TTC38: variants seen among roughly 807,000 people sequenced by gnomAD.
The protein encoded by TTC38 is tetratricopeptide repeat protein 38.
In TTC38, 64 loss-of-function variants were observed where a neutral mutation model predicts 64.2. The ratio of observed to expected loss-of-function variants is 1.00; its 90% CI spans 0.81 to 1.23. TTC38 has a LOEUF of 1.23. TTC38 is among the 50% of genes most tolerant of loss of function. The pLI, the probability that TTC38 is intolerant of heterozygous loss-of-function variation, is 0.00. For synonymous variants in TTC38, 254 were observed against 249.3 expected, an observed-to-expected ratio of 1.02 and a Z score of -0.18; for missense variants, 573 against 615.5, an observed-to-expected ratio of 0.93 and a Z score of 0.73.
intron 2 of TTC38, chr22:46,269,277 C>T: frequency 3.6e-6 from 1 of 276,796 alleles, no homozygotes; most frequent in Non-Finnish European, 7.8e-6. Flanking sequence ...GGATCCTGTC[C>T]TGGGATGAAT....
rs1361110903 is a variant in TTC38, at chr22:46,289,884, A to T, written c.1301A>T (p.His434Leu). 1.2e-6 allele frequency: 2 copies of T among 1,614,142 alleles called. No individual in the cohort carries two copies. The highest frequency in any genetic ancestry group is 1.3e-5 in the African/African-American group (1 of 75,052). ...GCCTTAAACTGCACCTCCAGCGTCC[A>T]TAAGAACGTAGCCCGGTGAGCTCCT... ...HAALNCTSSV[H>L]KNVARSLLME... is the part of the protein sequence containing the mutation. Residue 434 changes from histidine (H) to leucine (L), a missense_variant, in exon 13 of 14, where the codon CAT becomes CTT. Physicochemically the swap from His to Leu is moderately conservative, Grantham distance 99. Transcript: ENST00000381031.
At position 46,272,466 on chromosome 22, in the gene TTC38, C is replaced by T. The variant is rs954819948; in HGVS notation, c.193+50C>T. 3 of 1,466,382 alleles carry T rather than the reference C, an allele frequency of 2.0e-6. No homozygotes were observed. The highest frequency in any genetic ancestry group is 2.9e-6 in the Non-Finnish European group (3 of 1,048,392). The allele number at this position is 1,466,382 out of a possible 1,614,324, so 90.8% of individuals were successfully genotyped here. ...AGGAGCCCCGCTTCACACATCCAGC[C>T]CCTCTCTTTCCTTTACCACAGGGAC... is the stretch of plus-strand genomic sequence containing the variant. On this transcript the variant is annotated intron_variant, in intron 3 of 13. Coordinates refer to ENST00000381031, the MANE Select transcript of TTC38 (RefSeq NM_017931.4). This position sits in a 1 kb window ranked among gnomAD's most constrained non-coding sequence, Gnocchi z 6.4.
In TTC38 at chr22:46,276,947, G is replaced by A. The variant is rs2077494659; in HGVS notation, c.539+1526G>A. Among the ~76,000 whole-genome samples, 1 of 149,526 alleles carries A rather than the reference G, an allele frequency of 6.7e-6. No individual in the cohort carries two copies. Among genetic ancestry groups the A allele is most frequent in the Non-Finnish European group, 1.5e-5 (1 of 67,708 alleles). On this transcript the variant is annotated intron_variant, in intron 5 of 13. Coordinates refer to ENST00000381031, the MANE Select transcript of TTC38 (RefSeq NM_017931.4). The surrounding 1 kb of genome is among the most constrained non-coding windows in gnomAD (Gnocchi z 4.7). ...CCAAATTGACAGATAAAAATTAACCGTCATGAAACCTAATAGTACCTGACA... is the reference window on the plus strand; with the variant it reads ...CCAAATTGACAGATAAAAATTAACCATCATGAAACCTAATAGTACCTGACA...
chr22:46,288,467 C>G lies in TTC38; in HGVS notation c.961C>G (p.Arg321Gly). ...GTGGCAGGATGTCCTGCCTGTGGCC[C>G]GGAAGCACAGCCGAGACCACATCCT... ...QRWQDVLPVA[R>G]KHSRDHILLF... The change falls in exon 11 of 14, where the codon CGG (arginine) becomes GGG (glycine). Residue 321 changes from arginine (R) to glycine (G), a missense_variant. By Grantham distance (125) the Arg-to-Gly change is moderately radical. Around this residue, in one of 3 missense-constraint regions of TTC38, gnomAD observed 371 missense variants for 381.8 expected, o/e 0.97. Transcript: ENST00000381031. The G allele has an allele frequency of 1.2e-6, 2 of 1,613,968 alleles. No individual in the cohort carries two copies. Among genetic ancestry groups the G allele is most frequent in the Non-Finnish European group, 1.7e-6 (2 of 1,179,904 alleles).
At chr22:46,285,750 C>T (rs2077567079) in intron 9 of TTC38, among the ~76,000 whole-genome samples, 1 of 152,028 alleles carries the variant, frequency 6.6e-6, no homozygotes, top group South Asian at 2.1e-4. Context: ...TGGTGGCTCA[C>T]ACCTGTAATC....
chr22:46,288,684 C>T (rs2077589625), intron 11 of TTC38, 96 bp downstream of exon 11: 8 of 1,267,142 alleles, frequency 6.3e-6, no homozygotes, highest in Admixed American at 4.2e-5. Flanking sequence ...GTGCCTGCCC[C>T]GCCTGTGAGT....
chr22:46,274,156 C>A lies in TTC38; in HGVS notation c.365+87C>A. 8.3e-6 allele frequency: 4 copies of A among 482,194 alleles called. No homozygotes were observed. Among genetic ancestry groups the A allele is most frequent in the East Asian group, 4.5e-5 (1 of 22,202 alleles). 29.9% of individuals were successfully genotyped at this position (482,194 alleles called of 1,614,324 possible). ...TATCCCTTTCCTGATGCCCTTGGGACGGGGGCGGGGTGGGAGAATGCTTCT... is the reference window on the plus strand; with the variant it reads ...TATCCCTTTCCTGATGCCCTTGGGAAGGGGGCGGGGTGGGAGAATGCTTCT... On this transcript the variant is annotated intron_variant, in intron 4 of 13. Transcript: ENST00000381031. This position sits in a 1 kb window ranked among gnomAD's most constrained non-coding sequence, Gnocchi z 4.8.
chr22:46,290,084 A>G (rs1191427870), intron 13 of TTC38, among the ~76,000 whole-genome samples, 185 bp downstream of exon 13: 1 of 152,200 alleles, frequency 6.6e-6, no homozygotes, highest in East Asian at 1.9e-4. Context: ...AAGTGGAGCC[A>G]GCCCCACCCC....
At position 46,274,653 on chromosome 22, in the gene TTC38, C is replaced by G. The variant is rs1484706502; in HGVS notation, c.365+584C>G. Among the ~76,000 whole-genome samples the G allele has an allele frequency of 1.3e-5, 2 of 152,016 alleles. No individual in the cohort carries two copies. The highest frequency in any genetic ancestry group is 2.4e-5 in the African/African-American group (1 of 41,406). ...GCCTGGTCTTCCTGGTAAGTCAGCC[C>G]AGGTGTGGGTTCCACCTCAGAGACT... On this transcript the variant is annotated intron_variant, in intron 4 of 13. Transcript: ENST00000381031. The surrounding 1 kb of genome is among the most constrained non-coding windows in gnomAD (Gnocchi z 4.8).
intron 9 of TTC38, among the ~76,000 whole-genome samples, chr22:46,286,002 G>A (rs1447172354): frequency 8.6e-6 from 1 of 116,374 alleles, no homozygotes; most frequent in African/African-American, 4.8e-5. Context: ...GTGACAGAGT[G>A]AGACTCTGTC....
At position 46,284,027 on chromosome 22, in the gene TTC38, G is replaced by C. The variant is rs201314224; in HGVS notation, c.790G>C (p.Glu264Gln). 68 of 1,596,906 alleles carry C rather than the reference G, an allele frequency of 4.3e-5. No individual in the cohort carries two copies. The East Asian group carries it at 1.2e-3, about 29-fold the overall frequency. ...TTGGCACTGGGCTTTATATCTGATTGAGAAGGTAAGGTGACCATCTGTTTG... is the reference window on the plus strand; with the variant it reads ...TTGGCACTGGGCTTTATATCTGATTCAGAAGGTAAGGTGACCATCTGTTTG... ...NYWHWALYLI[E>Q]KGEYEAALTI... The change falls in exon 8 of 14, where the codon GAG becomes CAG. Residue 264 changes from glutamate (E) to glutamine (Q), a missense_variant. Physicochemically the swap from Glu to Gln is conservative, Grantham distance 29. This residue lies in a region of TTC38 where 371 missense variants were observed against 381.8 expected (regional missense o/e 0.97). Coordinates refer to ENST00000381031, the MANE Select transcript of TTC38 (RefSeq NM_017931.4).
Position 46,274,921 on chromosome 22 carries a change from C to G in TTC38, c.366-327C>G, listed in dbSNP as rs1381889526. Among the ~76,000 whole-genome samples the G allele has an allele frequency of 6.6e-6, 1 of 152,180 alleles. No homozygotes were observed. Among genetic ancestry groups the G allele is most frequent in the African/African-American group, 2.4e-5 (1 of 41,452 alleles). On this transcript the variant is annotated intron_variant, in intron 4 of 13. Coordinates refer to ENST00000381031, the MANE Select transcript of TTC38 (RefSeq NM_017931.4). The surrounding 1 kb of genome is among the most constrained non-coding windows in gnomAD (Gnocchi z 4.8). ...GCTCACTGCCTCCACCTCCCGGGTTCAAGTGATTCTCCTGCCTCAGCCTCC... is the reference window on the plus strand; with the variant it reads ...GCTCACTGCCTCCACCTCCCGGGTTGAAGTGATTCTCCTGCCTCAGCCTCC...
intron 2 of TTC38, among the ~76,000 whole-genome samples, chr22:46,269,750 G>A (rs1037877178): frequency 2.6e-5 from 4 of 152,136 alleles, no homozygotes; most frequent in Non-Finnish European, 5.9e-5. Context: ...GTTTGACCTG[G>A]CTCACTTGCC....
chr22:46,287,199 C>A, intron 10 of TTC38, 45 bp downstream of exon 10: 2 of 1,514,698 alleles, frequency 1.3e-6, no homozygotes, highest in Non-Finnish European at 9.0e-7. Flanking sequence ...CTTCCTCCCA[C>A]ATCATGAGGA....
Position 46,289,459 on chromosome 22 carries a change from C to T in TTC38, c.1140C>T (p.Cys380=), listed in dbSNP as rs926093787. Residue 380 remains cysteine, a synonymous_variant, in exon 12 of 14, where the codon TGC becomes TGT. Coordinates refer to ENST00000381031, the MANE Select transcript of TTC38 (RefSeq NM_017931.4). ...CCCGAGACGTGGGGCTGCCCCTGTG[C>T]CAGGCCCTGGTGGAGGCTGAGGACG... ...LLARDVGLPL[C]QALVEAEDGN... is the part of the protein sequence containing the mutation. The T allele has an allele frequency of 3.1e-6, 5 of 1,609,382 alleles. No homozygotes were observed. Among genetic ancestry groups the T allele is most frequent in the Non-Finnish European group, 3.4e-6 (4 of 1,179,754 alleles).
rs373509606 is a variant in TTC38, at chr22:46,281,104, C to T, written c.616-495C>T. 6.6e-6 allele frequency among the ~76,000 whole-genome samples: 1 copy of T among 152,324 alleles called. No homozygotes were observed. Among genetic ancestry groups the T allele is most frequent in the South Asian group, 2.1e-4 (1 of 4,832 alleles). On this transcript the variant is annotated intron_variant, in intron 6 of 13. Coordinates refer to ENST00000381031, the MANE Select transcript of TTC38 (RefSeq NM_017931.4). This position sits in a 1 kb window ranked among gnomAD's most constrained non-coding sequence, Gnocchi z 5.2. Reference sequence around the variant, plus strand: ...CTGCACCCAGAAAGCCACGTGTCCTCACATATATGGTAGTGGGAAGAGGCA... The same window carrying T: ...CTGCACCCAGAAAGCCACGTGTCCTTACATATATGGTAGTGGGAAGAGGCA...
chr22:46,287,806 A>T (rs2077582409), intron 10 of TTC38, among the ~76,000 whole-genome samples: 1 of 152,198 alleles, frequency 6.6e-6, no homozygotes, highest in Non-Finnish European at 1.5e-5. Flanking sequence ...AAGGCTTCCT[A>T]GTGGAGGTGA....
Position 46,281,629 on chromosome 22 carries a change from T to A in TTC38, c.646T>A (p.Ser216Thr), listed in dbSNP as rs1289467814. Reference protein sequence around the residue: ...ALSINPTDAWSVHTVAHIHEM... With the variant: ...ALSINPTDAWTVHTVAHIHEM... Reference sequence around the variant, plus strand: ...ATCTATTAACCCGACAGACGCATGGTCGGTGCACACCGTCGCTCACATCCA... The same window carrying A: ...ATCTATTAACCCGACAGACGCATGGACGGTGCACACCGTCGCTCACATCCA... The change falls in exon 7 of 14, where the codon TCG becomes ACG. Residue 216 changes from serine to threonine, a missense_variant. Transcript: ENST00000381031. The surrounding 1 kb of genome is among the most constrained non-coding windows in gnomAD (Gnocchi z 5.2). The A allele has an allele frequency of 1.2e-6, 2 of 1,614,148 alleles. No individual in the cohort carries two copies.
rs571550018 is a variant in TTC38 at position 46,270,108 on chromosome 22, T to G, written c.111+1517T>G. On this transcript the variant is annotated intron_variant, in intron 2 of 13. Transcript: ENST00000381031. The surrounding 1 kb of genome is among the most constrained non-coding windows in gnomAD (Gnocchi z 4.7). ...TGCCCGGCCCCTAGTACTCAGTTTGTTACACACCACATCCCCAATCAGTGG... is the reference window on the plus strand; with the variant it reads ...TGCCCGGCCCCTAGTACTCAGTTTGGTACACACCACATCCCCAATCAGTGG... 2.6e-5 allele frequency among the ~76,000 whole-genome samples: 4 copies of G among 152,262 alleles called. No homozygotes were observed. In the East Asian group the frequency reaches 7.7e-4, roughly 29 times the overall value.
Sources: gnomAD v4.1 joint callset for allele counts (sites outside exome capture counted in the v4.1 genomes callset) on GRCh38, gnomAD v4.1.1 for gene constraint, gnomAD v4.1.1 regional missense constraint, Gnocchi (gnomAD v3.1) non-coding constraint, MANE v1.5 for transcripts, NCBI Gene and HGNC (gene_info 2026-07-23, HGNC 2026-07-21) for gene names.